The following SPIN1 variants were observed in gnomAD, a reference collection of about 807,000 sequenced individuals.
SPIN1 encodes spindlin 1.
SPIN1 carries 3 observed loss-of-function variants against 26.0 expected under a neutral mutation model. That is an observed-to-expected ratio of 0.12 (90% CI 0.05 to 0.30). The LOEUF is 0.30. Ranked by LOEUF, SPIN1 falls within the 10% of genes least tolerant of loss-of-function variation. The probability of loss-of-function intolerance (pLI) is 1.00; values close to 1 mark genes in which losing one functional copy is unlikely to be tolerated. For missense variants in SPIN1, 126 were observed against 333.4 expected (o/e 0.38, Z 4.84); for synonymous variants, 101 against 116.5 (o/e 0.87, Z 0.86).
intron 1 of SPIN1, among the ~76,000 whole-genome samples, chr9:88,423,752 CT>C (rs1827715429): frequency 7.0e-6 from 1 of 142,752 alleles, no homozygotes; most frequent in African/African-American, 2.7e-5. Context: ...TAATAAAAAG[CT>C]CTTGATCTTC....
chr9:88,410,640 G>A (rs920572058), intron 1 of SPIN1: 21 of 1,124,688 alleles, frequency 1.9e-5, no homozygotes, highest in Non-Finnish European at 2.8e-5. Flanking sequence ...AGGGGCCAGA[G>A]CTTCTGCCTC....
At chr9:88,421,094 ATTG>A (rs1827658711) in intron 1 of SPIN1, among the ~76,000 whole-genome samples, 1 of 151,212 alleles carries the variant, frequency 6.6e-6, no homozygotes, top group Admixed American at 6.6e-5. Context: ...TCATGTATGT[ATTG>A]TTTTCTTTCC....
intron 1 of SPIN1, among the ~76,000 whole-genome samples, chr9:88,426,142 C>G (rs1827761609): frequency 6.6e-6 from 1 of 152,134 alleles, no homozygotes. Flanking sequence ...CTTGGAAGAG[C>G]TTCACTTTTG....
At position 88,475,468 on chromosome 9, in the gene SPIN1, C is replaced by T; in HGVS notation, c.*191C>T. On this transcript the variant is annotated 3_prime_UTR_variant, in exon 6 of 6. Transcript: ENST00000375859. The stretch of plus-strand genomic sequence containing the variant: ...CACAAAGCATTTTGTGTAAGGAGAA[C>T]CCCTTTCTTTTAAAAGAAGTCTGTC... 2.1e-6 allele frequency: 1 copy of T among 470,074 alleles called. No individual in the cohort carries two copies. Among genetic ancestry groups the T allele is most frequent in the Non-Finnish European group, 3.6e-6 (1 of 276,878 alleles). 29.1% of individuals were successfully genotyped at this position (470,074 alleles called of 1,614,324 possible).
chr9:88,391,792 T>G (rs997430325), intron 1 of SPIN1: 1 of 152,308 alleles, frequency 6.6e-6, no homozygotes, highest in African/African-American at 2.4e-5. Context: ...TTGTGAAGAT[T>G]CTGGGGTCAA....
intron 3 of SPIN1, among the ~76,000 whole-genome samples, chr9:88,451,746 A>G (rs7852669): frequency 0.017 from 2,555 of 152,246 alleles, 72 homozygotes; most frequent in African/African-American, 0.059. Context: ...TTTTTAGTAT[A>G]GACAGGGTTT....
intron 2 of SPIN1, among the ~76,000 whole-genome samples, chr9:88,443,851 G>T (rs950967280): frequency 6.6e-6 from 1 of 152,082 alleles, no homozygotes; most frequent in South Asian, 2.1e-4. Context: ...CAACTTCCCC[G>T]GCTTGTAGAG....
At chr9:88,472,104 C>A (rs1468912333) in intron 5 of SPIN1, among the ~76,000 whole-genome samples, 2 of 152,076 alleles carry the variant, frequency 1.3e-5, no homozygotes, top group Non-Finnish European at 2.9e-5. Flanking sequence ...CCGGCCCCTC[C>A]TTTCTTTTTC....
At chr9:88,395,949 A>T (rs1827045636) in intron 1 of SPIN1, among the ~76,000 whole-genome samples, 1 of 151,930 alleles carries the variant, frequency 6.6e-6, no homozygotes, top group East Asian at 1.9e-4. Context: ...CGGGAGGCTG[A>T]GGCAAGAGAA....
intron 3 of SPIN1, among the ~76,000 whole-genome samples, chr9:88,459,608 TGA>T (rs1828537784): frequency 6.6e-6 from 1 of 152,202 alleles, no homozygotes; most frequent in Non-Finnish European, 1.5e-5. Context: ...CTCCTGTTTT[TGA>T]GAGTTGTGTT....
At chr9:88,449,733 A>T (rs1428721819) in intron 3 of SPIN1, among the ~76,000 whole-genome samples, 6 of 152,246 alleles carry the variant, frequency 3.9e-5, no homozygotes. Flanking sequence ...CAAACTGGAA[A>T]TGTCACTTGA....
intron 1 of SPIN1, among the ~76,000 whole-genome samples, chr9:88,403,978 G>GTA (rs758250170): frequency 4.6e-5 from 7 of 152,184 alleles, no homozygotes; most frequent in Non-Finnish European, 8.8e-5. Context: ...CTTAGATGGT[G>GTA]TAGCCTTTGA....
intron 2 of SPIN1, among the ~76,000 whole-genome samples, chr9:88,441,428 C>CGCGCCCAT (rs1828125461): frequency 1.1e-5 from 1 of 91,770 alleles, no homozygotes; most frequent in Non-Finnish European, 1.9e-5. Flanking sequence ...CGCGCGCGCG[C>CGCGCCCAT]CCATGTGTGT....
At chr9:88,405,443 G>C (rs1401202560) in intron 1 of SPIN1, among the ~76,000 whole-genome samples, 1 of 151,772 alleles carries the variant, frequency 6.6e-6, no homozygotes, top group East Asian at 1.9e-4. Context: ...TGGTCAGGCT[G>C]GTCCAGTACT....
rs957026104 is a variant in SPIN1, at chr9:88,464,666, A to G, written c.355+1917A>G. On this transcript the variant is annotated intron_variant, in intron 4 of 5. Transcript: ENST00000375859. ...AGATTTGCATAACTTAGTGAACACA[A>G]TATTTTCTTTATGAGCAGTGCATGG... Among the ~76,000 whole-genome samples the G allele has an allele frequency of 7.9e-5, 12 of 152,242 alleles. No homozygotes were observed. In the South Asian group the frequency reaches 1.0e-3, roughly 13 times the overall value.
At chr9:88,414,136 G>A (rs551146850) in intron 1 of SPIN1, among the ~76,000 whole-genome samples, 11 of 152,120 alleles carry the variant, frequency 7.2e-5, no homozygotes, top group Non-Finnish European at 1.3e-4. Context: ...GTGGAGACAG[G>A]GTATTAACCG....
intron 1 of SPIN1, among the ~76,000 whole-genome samples, chr9:88,400,953 C>T (rs535953375): frequency 1.7e-4 from 26 of 152,128 alleles, no homozygotes; most frequent in African/African-American, 2.9e-4. Flanking sequence ...GTCGAGGCTG[C>T]GGTGAGCCAT....
chr9:88,403,779 G>T lies in SPIN1; in HGVS notation c.-159+15241G>T, dbSNP rs187058800. ...TTTTAAGGGGCCAGTATTATTAGAG[G>T]TAAAGTTTATTTAGCTTGATATTAA... is the stretch of plus-strand genomic sequence containing the variant. On this transcript the variant is annotated intron_variant, in intron 1 of 5. Transcript: ENST00000375859. Among the ~76,000 whole-genome samples the T allele has an allele frequency of 1.0e-3, 157 of 152,298 alleles. 1 individual carries two copies. The highest frequency in any genetic ancestry group is 6.8e-3 in the Middle Eastern group (2 of 294).
intron 4 of SPIN1, 23 bp from the exon 5 acceptor site, chr9:88,468,345 CTTTT>C (rs10541463): frequency 3.4e-3 from 4,469 of 1,311,420 alleles, no homozygotes; most frequent in South Asian, 9.0e-3. Context: ...ACTTTGTCAA[CTTTT>C]TTTTTTTTTT....
Sources: allele counts gnomAD v4.1 joint callset (sites outside exome capture counted in the v4.1 genomes callset), GRCh38; gene constraint gnomAD v4.1.1; transcripts MANE v1.5; gene names NCBI Gene and HGNC (gene_info 2026-07-23, HGNC 2026-07-21).